VIT: variants seen among roughly 807,000 people sequenced by gnomAD.
VIT encodes the protein vitrin.
In VIT, 99 loss-of-function variants were observed where a neutral mutation model predicts 78.0. That is an observed-to-expected ratio of 1.27 (90% CI 1.08 to 1.50). VIT has a LOEUF of 1.50. Ranked by LOEUF, VIT falls within the 40% of genes most tolerant of loss-of-function variation. The probability of loss-of-function intolerance (pLI) is 0.00; values close to 1 mark genes in which losing one functional copy is unlikely to be tolerated. For missense variants in VIT, 1,126 were observed against 875.3 expected (o/e 1.29, Z -3.61); for synonymous variants, 374 against 334.3 (o/e 1.12, Z -1.29).
intron 2 of VIT, among the ~76,000 whole-genome samples, chr2:36,716,869 C>CTTTTTTTTT (rs557873230): frequency 6.4e-5 from 5 of 78,674 alleles, no homozygotes; most frequent in African/African-American, 1.1e-4. Flanking sequence ...AGAGATGATT[C>CTTTTTTTTT]TTTTTTTTTT....
chr2:36,807,967 C>T (rs1666851757), intron 14 of VIT, among the ~76,000 whole-genome samples: 1 of 152,196 alleles, frequency 6.6e-6, no homozygotes, highest in South Asian at 2.1e-4. Flanking sequence ...GATGGGACCC[C>T]TAACATGTGG....
chr2:36,780,020 C>G (rs1388741207), intron 9 of VIT, among the ~76,000 whole-genome samples: 37 of 152,182 alleles, frequency 2.4e-4, no homozygotes, highest in Non-Finnish European at 4.4e-5. Flanking sequence ...CTTGATACCA[C>G]CCTGTTCCTC....
At chr2:36,757,894 T>C (rs1668864535) in intron 5 of VIT, among the ~76,000 whole-genome samples, 1 of 152,172 alleles carries the variant, frequency 6.6e-6, no homozygotes, top group South Asian at 2.1e-4. Context: ...GAAACCTAGA[T>C]TGTCTTACTC....
In VIT at chr2:36,743,328, G is replaced by A. The variant is rs1572457410; in HGVS notation, c.275+72G>A. The A allele has an allele frequency of 4.3e-6, 6 of 1,402,168 alleles. No homozygotes were observed. The East Asian group carries it at 1.4e-4, about 34-fold the overall frequency. The allele number at this position is 1,402,168 out of a possible 1,614,324, so 86.9% of individuals were successfully genotyped here. A position where few individuals can be genotyped will look rare whatever the true frequency, so the allele number is the denominator to read the frequency against. ...TGGCAGGGAGCCCCCATGCAAGGTT[G>A]CCATATTTAGCAAGCAAAAATATAC... On this transcript the variant is annotated intron_variant, in intron 4 of 15. Transcript: ENST00000379242.
intron 7 of VIT, among the ~76,000 whole-genome samples, chr2:36,771,752 A>T: frequency 6.6e-6 from 1 of 152,146 alleles, no homozygotes; most frequent in Admixed American, 6.5e-5. Flanking sequence ...TGCTGTTCAT[A>T]ATTTTTTAAA....
chr2:36,713,240 G>A (rs896918068), intron 1 of VIT, among the ~76,000 whole-genome samples: 1 of 152,148 alleles, frequency 6.6e-6, no homozygotes, highest in Non-Finnish European at 1.5e-5. Context: ...AGAAATGAGG[G>A]AGCAAGTCAT....
rs1292061023 is a variant in VIT at position 36,728,579 on chromosome 2, C to T, written c.53-847C>T. Among the ~76,000 whole-genome samples, 36 of 91,682 alleles carry T rather than the reference C, an allele frequency of 3.9e-4. 9 individuals carry two copies. Among genetic ancestry groups the T allele is most frequent in the African/African-American group, 1.1e-3 (34 of 30,782 alleles). The allele number at this position is 91,682 out of a possible 152,430, so 60.1% of individuals were successfully genotyped here. ...CTGTAATCCCAGCACTTTGGGAGGC[C>T]GAGGCGGGCGGATCACGAGGTCAGG... is the stretch of plus-strand genomic sequence containing the variant. On this transcript the variant is annotated intron_variant, in intron 2 of 15. Coordinates refer to ENST00000379242, the MANE Select transcript of VIT (RefSeq NM_053276.4).
In VIT at chr2:36,713,092, A is replaced by G. The variant is rs77865308; in HGVS notation, c.-18-3261A>G. On this transcript the variant is annotated intron_variant, in intron 1 of 15. Transcript: ENST00000379242. Reference sequence around the variant, plus strand: ...AGTATAAAGTATGTCAGAAGTGATAAGTCAATGGAGAAGAAGACAGTAGGA... The same window carrying G: ...AGTATAAAGTATGTCAGAAGTGATAGGTCAATGGAGAAGAAGACAGTAGGA... Among the ~76,000 whole-genome samples, 40 of 152,362 alleles carry G rather than the reference A, an allele frequency of 2.6e-4. 1 individual carries two copies. In the East Asian group the frequency reaches 7.7e-3, roughly 29 times the overall value.
chr2:36,783,276 C>T, intron 10 of VIT, 64 bp from the exon 11 acceptor site: 2 of 1,564,172 alleles, frequency 1.3e-6, no homozygotes, highest in Non-Finnish European at 1.8e-6. Flanking sequence ...TGTCCCCTCC[C>T]ATGGGGTAAG....
chr2:36,791,963 G>C (rs1480479324), intron 12 of VIT, among the ~76,000 whole-genome samples: 1 of 152,062 alleles, frequency 6.6e-6, no homozygotes, highest in Non-Finnish European at 1.5e-5. Context: ...GGAGGGGCTG[G>C]GGCATGAAAT....
At chr2:36,780,246 G>A (rs913658279) in intron 9 of VIT, among the ~76,000 whole-genome samples, 1 of 152,162 alleles carries the variant, frequency 6.6e-6, no homozygotes, top group Non-Finnish European at 1.5e-5. Flanking sequence ...CTGATGTTGG[G>A]GGACTGTTTA....
chr2:36,808,460 T>A lies in VIT; in HGVS notation c.1390-12T>A. 1 of 1,590,190 alleles carries A rather than the reference T, an allele frequency of 6.3e-7. No individual in the cohort carries two copies. Among genetic ancestry groups the A allele is most frequent in the Non-Finnish European group, 8.6e-7 (1 of 1,163,232 alleles). Reference sequence around the variant, plus strand: ...CCTGACGTGGCGTGGGTCCCTCCCCTCTGTCTTCTAGGCCGTGTGCAGAAC... The same window carrying A: ...CCTGACGTGGCGTGGGTCCCTCCCCACTGTCTTCTAGGCCGTGTGCAGAAC... On this transcript the variant is annotated splice_polypyrimidine_tract_variant and intron_variant, in intron 14 of 15. Transcript: ENST00000379242.
chr2:36,808,531 C>G lies in VIT; in HGVS notation c.1449C>G (p.His483Gln). Reference protein sequence around the residue: ...SLHVQSWFGLHKTLQPLVKRV... With the variant: ...SLHVQSWFGLQKTLQPLVKRV... ...ACGTGCAGAGCTGGTTTGGCCTCCA[C>G]AAGACCCTGCAGCCTCTGGTGAAGC... Residue 483 changes from histidine (H) to glutamine (Q), a missense_variant, in exon 15 of 16, where the codon CAC becomes CAG. Physicochemically the swap from His to Gln is conservative, Grantham distance 24. Coordinates refer to ENST00000379242, the MANE Select transcript of VIT (RefSeq NM_053276.4). 6.2e-7 allele frequency: 1 copy of G among 1,614,004 alleles called. No homozygotes were observed. Among genetic ancestry groups the G allele is most frequent in the Non-Finnish European group, 8.5e-7 (1 of 1,179,986 alleles).
intron 1 of VIT, among the ~76,000 whole-genome samples, chr2:36,704,879 G>T (rs573109931): frequency 7.8e-4 from 118 of 152,224 alleles, no homozygotes; most frequent in South Asian, 5.2e-3. Context: ...GGAAAGTTTT[G>T]CCGGACCTGA....
chr2:36,734,487 G>A (rs759120617), intron 3 of VIT, among the ~76,000 whole-genome samples: 131 of 152,264 alleles, frequency 8.6e-4, no homozygotes, highest in Non-Finnish European at 1.6e-3. Flanking sequence ...CAAGCTGGGT[G>A]GGACTAAAGA....
chr2:36,813,707 T>A lies in VIT; in HGVS notation c.1904-476T>A, dbSNP rs141765702. 2.6e-3 allele frequency among the ~76,000 whole-genome samples: 397 copies of A among 152,284 alleles called. 1 individual carries two copies. The highest frequency in any genetic ancestry group is 9.1e-3 in the African/African-American group (378 of 41,554). ...CATTCCACTGTTTTAGTTTAAAAGA[T>A]CTTGAACCAGCTTTTGATGGCATTT... On this transcript the variant is annotated intron_variant, in intron 15 of 15. Transcript: ENST00000379242.
At chr2:36,804,978 T>C (rs1001239254) in intron 13 of VIT, among the ~76,000 whole-genome samples, 16 of 152,108 alleles carry the variant, frequency 1.1e-4, no homozygotes, top group African/African-American at 3.4e-4. Context: ...TGCCACTGAA[T>C]TGTACACATA....
Position 36,769,392 on chromosome 2 carries a change from T to A in VIT, c.679+2107T>A, listed in dbSNP as rs577186593. On this transcript the variant is annotated intron_variant, in intron 7 of 15. Transcript: ENST00000379242. ...CTCCTAACCTGGCAAAGCTTCTTTATTCCTGGCTTGGGAACAGGAGCTTTG... is the reference window on the plus strand; with the variant it reads ...CTCCTAACCTGGCAAAGCTTCTTTAATCCTGGCTTGGGAACAGGAGCTTTG... 2.6e-5 allele frequency among the ~76,000 whole-genome samples: 4 copies of A among 152,332 alleles called. No homozygotes were observed. In the South Asian group the frequency reaches 8.3e-4, roughly 32 times the overall value.
At chr2:36,751,327 C>T (rs1668447908) in intron 4 of VIT, among the ~76,000 whole-genome samples, 1 of 152,296 alleles carries the variant, frequency 6.6e-6, no homozygotes, top group Middle Eastern at 3.4e-3. Context: ...ACCTGGAAGG[C>T]GGAGGTTGCA....
Sources: allele counts gnomAD v4.1 joint callset (sites outside exome capture counted in the v4.1 genomes callset), GRCh38; gene constraint gnomAD v4.1.1; transcripts MANE v1.5; gene names NCBI Gene and HGNC (gene_info 2026-07-23, HGNC 2026-07-21).